JAZF1: variants seen among roughly 807,000 people sequenced by gnomAD.
The protein encoded by JAZF1 is juxtaposed with another zinc finger protein 1.
Under a neutral mutation model 26.4 loss-of-function variants are expected in JAZF1, and 8 were observed. That is an observed-to-expected ratio of 0.30 (90% CI 0.18 to 0.55). JAZF1 has a LOEUF of 0.55. Ranked by LOEUF, JAZF1 falls within the 20% of genes least tolerant of loss-of-function variation. The pLI, the probability that JAZF1 is intolerant of heterozygous loss-of-function variation, is 0.94. For synonymous variants in JAZF1, 126 were observed against 122.3 expected, an observed-to-expected ratio of 1.03 and a Z score of -0.20; for missense variants, 199 against 322.0, an observed-to-expected ratio of 0.62 and a Z score of 2.92.
At chr7:27,882,190 A>T (rs1783783458) in intron 3 of JAZF1, among the ~76,000 whole-genome samples, 1 of 152,156 alleles carries the variant, frequency 6.6e-6, no homozygotes, top group African/African-American at 2.4e-5. Flanking sequence ...TAGAAAACAC[A>T]GTACATCATG....
rs201045201 is a variant in JAZF1, at chr7:28,038,253, AG to A, written c.116-46273del. Among the ~76,000 whole-genome samples, 345 of 152,308 alleles carry A rather than the reference AG, an allele frequency of 2.3e-3. 10 individuals carry two copies. The East Asian group carries it at 0.052, about 23-fold the overall frequency. ...GTAATTCAGGTGAAAGAAAACATACAGCCTATAAACTTTGGGATGGGGGAAT... is the reference window on the plus strand; with the variant it reads ...GTAATTCAGGTGAAAGAAAACATACACCTATAAACTTTGGGATGGGGGAAT... On this transcript the variant is annotated intron_variant, in intron 1 of 4. Transcript: ENST00000283928.
At chr7:28,101,120 A>C (rs1784464240) in intron 1 of JAZF1, among the ~76,000 whole-genome samples, 1 of 152,230 alleles carries the variant, frequency 6.6e-6, no homozygotes, top group Non-Finnish European at 1.5e-5. Context: ...GCATTCCTTC[A>C]GCATTCCAGA....
At chr7:28,079,630 A>T (rs1469405770) in intron 1 of JAZF1, among the ~76,000 whole-genome samples, 24 of 152,216 alleles carry the variant, frequency 1.6e-4, no homozygotes, top group Admixed American at 1.6e-3. Flanking sequence ...ACCACAAGCA[A>T]ATCAATACAT....
chr7:27,914,607 A>G, intron 2 of JAZF1: 1 of 376,124 alleles, frequency 2.7e-6, no homozygotes, highest in East Asian at 7.5e-5. Flanking sequence ...CCTTACTAAA[A>G]ATGGAAACTC....
chr7:27,957,331 G>C (rs1238351551), intron 2 of JAZF1, among the ~76,000 whole-genome samples: 1 of 152,144 alleles, frequency 6.6e-6, no homozygotes, highest in Admixed American at 6.6e-5. Flanking sequence ...ACATGATTTT[G>C]TGCTTTTATT....
intron 2 of JAZF1, among the ~76,000 whole-genome samples, chr7:27,900,586 C>T (rs1456193522): frequency 1.3e-5 from 2 of 152,122 alleles, no homozygotes; most frequent in Non-Finnish European, 2.9e-5. Flanking sequence ...TTTGCCAGTA[C>T]ACCTTCTAGT....
intron 1 of JAZF1, among the ~76,000 whole-genome samples, chr7:28,138,313 C>G (rs1782915060): frequency 6.6e-6 from 1 of 152,076 alleles, no homozygotes; most frequent in Non-Finnish European, 1.5e-5. Flanking sequence ...TTAATAATGG[C>G]CTAAATATAA....
intron 2 of JAZF1, among the ~76,000 whole-genome samples, chr7:27,921,274 G>C (rs1784524391): frequency 1.3e-5 from 2 of 151,860 alleles, no homozygotes; most frequent in African/African-American, 2.4e-5. Context: ...ACTGCAACCA[G>C]ACTGCCTGCT....
intron 3 of JAZF1, among the ~76,000 whole-genome samples, chr7:27,878,971 T>C (rs1783724753): frequency 1.3e-5 from 2 of 152,200 alleles, no homozygotes; most frequent in South Asian, 4.1e-4. Flanking sequence ...CTGAGGACAT[T>C]TGTACCGAAC....
chr7:27,946,505 C>T (rs1642342001), intron 2 of JAZF1, among the ~76,000 whole-genome samples: 1 of 152,122 alleles, frequency 6.6e-6, no homozygotes, highest in Admixed American at 6.5e-5. Flanking sequence ...CCATGATTCC[C>T]CCAATGACCA....
intron 1 of JAZF1, among the ~76,000 whole-genome samples, chr7:28,002,724 C>T (rs1782624287): frequency 6.6e-6 from 1 of 152,138 alleles, no homozygotes; most frequent in Non-Finnish European, 1.5e-5. Context: ...GGACTGCTGG[C>T]TGCTGCCCAA....
At chr7:28,150,786 G>A (rs948830635) in intron 1 of JAZF1, among the ~76,000 whole-genome samples, 1 of 152,240 alleles carries the variant, frequency 6.6e-6, no homozygotes, top group African/African-American at 2.4e-5. Context: ...GGCCCATGCT[G>A]ATGGCCTGAC....
At chr7:27,854,668 CCTTT>C (rs1459348396) in intron 3 of JAZF1, among the ~76,000 whole-genome samples, 1 of 152,174 alleles carries the variant, frequency 6.6e-6, no homozygotes, top group Non-Finnish European at 1.5e-5. Flanking sequence ...GCTGAAAATT[CCTTT>C]CTTTAAGAAT....
At chr7:28,099,021 C>A (rs979617668) in intron 1 of JAZF1, among the ~76,000 whole-genome samples, 1 of 152,212 alleles carries the variant, frequency 6.6e-6, no homozygotes, top group Non-Finnish European at 1.5e-5. Context: ...TAATAAGCAT[C>A]AGGGCAAAGT....
intron 1 of JAZF1, among the ~76,000 whole-genome samples, chr7:28,056,349 G>T (rs562054861): frequency 1.8e-4 from 28 of 152,016 alleles, no homozygotes; most frequent in African/African-American, 6.8e-4. Flanking sequence ...TCCTGGGAGC[G>T]CAAGTCTTTA....
At chr7:28,093,556 A>G (rs144060132) in intron 1 of JAZF1, among the ~76,000 whole-genome samples, 13 of 152,348 alleles carry the variant, frequency 8.5e-5, no homozygotes, top group African/African-American at 3.1e-4. Context: ...CTTATCTGAA[A>G]AACTTGATTC....
intron 2 of JAZF1, among the ~76,000 whole-genome samples, chr7:27,959,903 A>AGC: frequency 2.3e-5 from 1 of 43,306 alleles, no homozygotes; most frequent in East Asian, 5.2e-4. Flanking sequence ...CTGTCTCAAA[A>AGC]AAAAAAAAAA....
intron 1 of JAZF1, among the ~76,000 whole-genome samples, chr7:28,075,791 G>T (rs768091693): frequency 4.6e-5 from 7 of 152,014 alleles, no homozygotes; most frequent in Non-Finnish European, 1.0e-4. Context: ...TTTTAGGGTG[G>T]AATTCTAGAA....
intron 2 of JAZF1, among the ~76,000 whole-genome samples, chr7:27,950,314 G>A (rs1174161911): frequency 1.3e-5 from 2 of 152,228 alleles, no homozygotes; most frequent in Non-Finnish European, 2.9e-5. Context: ...GCAGTTGACA[G>A]CGAATCACTT....
Sources: allele counts gnomAD v4.1 joint callset (sites outside exome capture counted in the v4.1 genomes callset), GRCh38; gene constraint gnomAD v4.1.1; transcripts MANE v1.5; gene names NCBI Gene and HGNC (gene_info 2026-07-23, HGNC 2026-07-21).